LOC122513141: variants seen among roughly 807,000 people sequenced by gnomAD.
At chr9:137,217,900 C>T in the LOC122513141 span, 3 of 398,346 alleles carry the variant, frequency 7.5e-6, no homozygotes, top group Non-Finnish European at 1.3e-5. Flanking sequence ...AGTGCCTGGA[C>T]CCTCTGTGCC....
the LOC122513141 span, chr9:137,217,501 C>T: frequency 6.5e-6 from 1 of 153,642 alleles, no homozygotes; most frequent in Non-Finnish European, 1.4e-5. Context: ...TTCACACCCG[C>T]CTCGCTGTCT....
At chr9:137,218,486 C>T in the LOC122513141 span, 12 of 397,466 alleles carry the variant, frequency 3.0e-5, no homozygotes, top group East Asian at 1.8e-4. Context: ...ACCCTGTGCC[C>T]GCCGCCTGGC....
At chr9:137,218,439 G>A in the LOC122513141 span, 1 of 398,512 alleles carries the variant, frequency 2.5e-6, no homozygotes, top group Non-Finnish European at 4.4e-6. Context: ...TGTCCACCCT[G>A]CCTGGGTGCC....
At chr9:137,218,208 G>A in the LOC122513141 span, 34 of 398,300 alleles carry the variant, frequency 8.5e-5, no homozygotes, top group Non-Finnish European at 1.2e-4. Context: ...GGCCGGGTGC[G>A]CTGCCCGCTG....
At chr9:137,218,642 G>C in the LOC122513141 span, 1 of 398,552 alleles carries the variant, frequency 2.5e-6, no homozygotes, top group Non-Finnish European at 4.4e-6. Flanking sequence ...AGGCCAGGGG[G>C]CCCAGACTGG....
the LOC122513141 span, chr9:137,218,436 C>A: frequency 2.5e-6 from 1 of 398,482 alleles, no homozygotes; most frequent in Non-Finnish European, 4.4e-6. Context: ...CCCTGTCCAC[C>A]CTGCCTGGGT....
the LOC122513141 span, chr9:137,217,747 C>G: frequency 2.6e-6 from 1 of 383,748 alleles, no homozygotes; most frequent in Non-Finnish European, 4.6e-6. Flanking sequence ...CCGCCCCTGT[C>G]GCCGCCCTGG....
At chr9:137,219,254 A>G in the LOC122513141 span, 1 of 152,252 alleles carries the variant, frequency 6.6e-6, no homozygotes, top group South Asian at 2.1e-4. Context: ...CTGCCCCTGC[A>G]CACCCTCATG....
At chr9:137,218,825 T>C in the LOC122513141 span, 1 of 393,198 alleles carries the variant, frequency 2.5e-6, no homozygotes, top group Non-Finnish European at 4.5e-6. Flanking sequence ...GCCCAGACAC[T>C]AGCTGAACCC....
At chr9:137,219,189 G>T in the LOC122513141 span, 3 of 152,380 alleles carry the variant, frequency 2.0e-5, no homozygotes, top group African/African-American at 7.2e-5. Context: ...GTGGGGGTTG[G>T]CGCTGGCCTG....
the LOC122513141 span, chr9:137,217,698 A>C: frequency 1.6e-5 from 5 of 319,478 alleles, no homozygotes; most frequent in Admixed American, 5.0e-5. Flanking sequence ...GGTCAGTGCC[A>C]GAGCTCTGGT....
At chr9:137,217,955 GC>G in the LOC122513141 span, 1 of 398,624 alleles carries the variant, frequency 2.5e-6, no homozygotes, top group Admixed American at 4.4e-5. Flanking sequence ...CCCCCAAGGT[GC>G]TGAGACTACA....
chr9:137,217,791 G>C, the LOC122513141 span: 1 of 395,940 alleles, frequency 2.5e-6, no homozygotes, highest in Non-Finnish European at 4.4e-6. Flanking sequence ...TCCTGCCCCA[G>C]GGCCACCACC....
the LOC122513141 span, chr9:137,217,822 C>T: frequency 7.6e-6 from 3 of 396,738 alleles, no homozygotes; most frequent in African/African-American, 2.1e-5. Flanking sequence ...GCCCTGGGGC[C>T]CCCACCCTCC....
the LOC122513141 span, chr9:137,218,696 C>G: frequency 2.5e-6 from 1 of 397,990 alleles, no homozygotes; most frequent in Non-Finnish European, 4.4e-6. Flanking sequence ...GATGACCAGG[C>G]TGGAAAAACC....
chr9:137,218,540 G>T, the LOC122513141 span: 3 of 401,222 alleles, frequency 7.5e-6, no homozygotes, highest in Non-Finnish European at 8.8e-6. Flanking sequence ...GCTGCTGCTG[G>T]TCTTCACGCC....
At chr9:137,217,613 A>C in the LOC122513141 span, 1 of 187,058 alleles carries the variant, frequency 5.3e-6, no homozygotes, top group Non-Finnish European at 1.1e-5. Flanking sequence ...GCGTGGGCCC[A>C]GGATCCACCC....
At chr9:137,219,259 C>G in the LOC122513141 span, 1 of 152,256 alleles carries the variant, frequency 6.6e-6, no homozygotes, top group African/African-American at 2.4e-5. Flanking sequence ...CCTGCACACC[C>G]TCATGTCACC....
At chr9:137,218,830 G>GAACCC in the LOC122513141 span, 2 of 393,400 alleles carry the variant, frequency 5.1e-6, no homozygotes, top group African/African-American at 4.1e-5. Flanking sequence ...GACACTAGCT[G>GAACCC]AACCCAAGGA....
Sources: allele counts gnomAD v4.1 joint callset, GRCh38; gene constraint gnomAD v4.1.1; transcripts MANE v1.5.